The following MTCL2 variants were observed in gnomAD, a reference collection of about 807,000 sequenced individuals.
MTCL2 encodes microtubule crosslinking factor 2.
At chr20:36,829,047 T>G in the MTCL2 span, 1 of 1,541,418 alleles carries the variant, frequency 6.5e-7, no homozygotes, top group Non-Finnish European at 8.7e-7. Flanking sequence ...ATGCATGAGG[T>G]CCTCACCTCT....
chr20:36,818,776 T>C, the MTCL2 span, among the ~76,000 whole-genome samples: 1 of 152,152 alleles, frequency 6.6e-6, no homozygotes, highest in Non-Finnish European at 1.5e-5. Flanking sequence ...ATATCTGCAA[T>C]GTACAACACC....
chr20:36,853,280 G>A, the MTCL2 span, among the ~76,000 whole-genome samples: 2 of 152,096 alleles, frequency 1.3e-5, no homozygotes, highest in Non-Finnish European at 2.9e-5. Flanking sequence ...CCTGATCCCC[G>A]CCAGGGAGTG....
the MTCL2 span, among the ~76,000 whole-genome samples, chr20:36,861,213 C>T: frequency 1.4e-4 from 22 of 152,272 alleles, no homozygotes; most frequent in African/African-American, 2.6e-4. Flanking sequence ...TGTCCTGGCT[C>T]GTCACCTCCC....
the MTCL2 span, chr20:36,794,791 A>C: frequency 1.4e-6 from 1 of 693,152 alleles, no homozygotes; most frequent in African/African-American, 1.8e-5. This position sits in a 1 kb window ranked among gnomAD's most constrained non-coding sequence, Gnocchi z 5.4. Context: ...TTTCTCCCAA[A>C]CAGGTCTTGA....
At chr20:36,833,910 T>A in the MTCL2 span, among the ~76,000 whole-genome samples, 3 of 152,118 alleles carry the variant, frequency 2.0e-5, no homozygotes, top group African/African-American at 7.2e-5. Context: ...TGCCTGTAAT[T>A]CTGGCCCTTT....
the MTCL2 span, among the ~76,000 whole-genome samples, chr20:36,811,583 T>A: frequency 1.3e-5 from 2 of 149,862 alleles, no homozygotes; most frequent in Non-Finnish European, 2.9e-5. Flanking sequence ...TGAGCCAAGA[T>A]CGCACTACTG....
the MTCL2 span, among the ~76,000 whole-genome samples, chr20:36,838,989 G>A: frequency 1.3e-5 from 2 of 151,222 alleles, no homozygotes; most frequent in African/African-American, 2.4e-5. Context: ...AAAAAAAACA[G>A]TAGCTGCTGC....
chr20:36,841,641 AC>A, the MTCL2 span, among the ~76,000 whole-genome samples: 1 of 152,128 alleles, frequency 6.6e-6, no homozygotes, highest in African/African-American at 2.4e-5. Context: ...GAGGAAACTG[AC>A]AGGAGTCAAC....
At chr20:36,841,550 C>G in the MTCL2 span, among the ~76,000 whole-genome samples, 1 of 151,922 alleles carries the variant, frequency 6.6e-6, no homozygotes, top group South Asian at 2.1e-4. Context: ...CAGTGTGTGC[C>G]AAGGCTCAGA....
the MTCL2 span, chr20:36,810,039 G>A: frequency 9.4e-6 from 15 of 1,600,668 alleles, no homozygotes; most frequent in South Asian, 1.6e-4. Flanking sequence ...GCCGCTCCTG[G>A]GAGAGCTGCT....
the MTCL2 span, among the ~76,000 whole-genome samples, chr20:36,820,365 G>A: frequency 6.6e-6 from 1 of 152,166 alleles, no homozygotes; most frequent in Non-Finnish European, 1.5e-5. Flanking sequence ...ATCACCTAAA[G>A]CCATTCAAAG....
chr20:36,804,627 C>A, the MTCL2 span: 60 of 1,430,054 alleles, frequency 4.2e-5, no homozygotes, highest in East Asian at 1.4e-3. Context: ...GAAGCAACGG[C>A]ATTCTTATTC....
At chr20:36,861,501 C>T in the MTCL2 span, among the ~76,000 whole-genome samples, 1 of 152,162 alleles carries the variant, frequency 6.6e-6, no homozygotes, top group Non-Finnish European at 1.5e-5. Flanking sequence ...GACACCAACA[C>T]TCTAATGAGG....
chr20:36,793,308 G>T, the MTCL2 span: 2 of 1,551,818 alleles, frequency 1.3e-6, no homozygotes, highest in East Asian at 2.4e-5. This position sits in a 1 kb window ranked among gnomAD's most constrained non-coding sequence, Gnocchi z 6.8. Flanking sequence ...TTCCCCACCT[G>T]GGGGAGCATG....
At chr20:36,830,077 T>C in the MTCL2 span, among the ~76,000 whole-genome samples, 2 of 152,142 alleles carry the variant, frequency 1.3e-5, no homozygotes, top group Non-Finnish European at 2.9e-5. Context: ...CAAGGGATCC[T>C]CCTGCCTCAG....
chr20:36,777,993 C>A, the MTCL2 span: 1 of 505,114 alleles, frequency 2.0e-6, no homozygotes, highest in South Asian at 3.0e-5. Flanking sequence ...GGTGAGGTTC[C>A]CAAGGGAGAA....
chr20:36,824,196 C>T, the MTCL2 span, among the ~76,000 whole-genome samples: 2 of 152,334 alleles, frequency 1.3e-5, no homozygotes, highest in East Asian at 3.9e-4. Flanking sequence ...CTGGGATCTA[C>T]ACAAGAGAAC....
At chr20:36,797,380 C>T in the MTCL2 span, 1 of 978,184 alleles carries the variant, frequency 1.0e-6, no homozygotes, top group South Asian at 1.6e-5. Context: ...CTGAGGAGCC[C>T]AAGGTGCAAG....
chr20:36,790,111 C>T, the MTCL2 span, among the ~76,000 whole-genome samples: 1 of 151,612 alleles, frequency 6.6e-6, no homozygotes, highest in African/African-American at 2.4e-5. Context: ...CCTGCCTCAG[C>T]TTCCCGAGTA....
Sources: gnomAD v4.1 joint callset for allele counts (sites outside exome capture counted in the v4.1 genomes callset) on GRCh38, gnomAD v4.1.1 for gene constraint, Gnocchi (gnomAD v3.1) non-coding constraint, MANE v1.5 for transcripts, NCBI Gene and HGNC (gene_info 2026-07-23, HGNC 2026-07-21) for gene names.